CDH2: variants seen among roughly 807,000 people sequenced by gnomAD.
The protein encoded by CDH2 is cadherin-2.
In CDH2, 17 loss-of-function variants were observed where a neutral mutation model predicts 92.0. That is an observed-to-expected ratio of 0.18 (90% CI 0.13 to 0.28). CDH2 has a LOEUF of 0.28. Among genes scored for constraint, CDH2 ranks in the 10% least tolerant of loss-of-function variants. The pLI is 1.00. For missense variants in CDH2, 862 were observed against 1,133.1 expected, an observed-to-expected ratio of 0.76 and a Z score of 3.44; for synonymous variants, 419 against 415.9, an observed-to-expected ratio of 1.01 and a Z score of -0.09.
In CDH2 at chr18:28,062,687, G is replaced by A. The variant is rs186234261; in HGVS notation, c.173-48778C>T. Reference sequence around the variant, plus strand: ...ACTATCACCAGTTGAGAAATACACCGTCCAGGCTAGGCGTGGTGGCTCATG... The same window carrying A: ...ACTATCACCAGTTGAGAAATACACCATCCAGGCTAGGCGTGGTGGCTCATG... On this transcript the variant is annotated intron_variant, in intron 2 of 15. Coordinates refer to ENST00000269141, the MANE Select transcript of CDH2 (RefSeq NM_001792.5). Among the ~76,000 whole-genome samples, 10 of 152,198 alleles carry A rather than the reference G, an allele frequency of 6.6e-5. No homozygotes were observed. The South Asian group carries it at 8.3e-4, about 13-fold the overall frequency.
At chr18:27,987,329 C>A (rs542687326) in intron 11 of CDH2, among the ~76,000 whole-genome samples, 29 of 152,288 alleles carry the variant, frequency 1.9e-4, no homozygotes, top group South Asian at 1.0e-3. Flanking sequence ...AGTTCCAACA[C>A]TAAATATTTA....
intron 2 of CDH2, among the ~76,000 whole-genome samples, chr18:28,047,868 C>CAAAAA (rs149752979): frequency 8.7e-4 from 41 of 46,870 alleles, no homozygotes; most frequent in East Asian, 2.8e-3. Context: ...GACTCCATCT[C>CAAAAA]AAAAAAAAAA....
intron 6 of CDH2, among the ~76,000 whole-genome samples, chr18:27,940,239 C>T (rs1218741255): frequency 1.3e-5 from 2 of 152,156 alleles, no homozygotes; most frequent in Admixed American, 6.5e-5. Flanking sequence ...CATATGGTTA[C>T]CAACTGTCTA....
At chr18:28,075,289 A>G (rs974128391) in intron 2 of CDH2, among the ~76,000 whole-genome samples, 2 of 152,178 alleles carry the variant, frequency 1.3e-5, no homozygotes, top group African/African-American at 4.8e-5. Context: ...ATATGAGTGC[A>G]CAGAGTGCTA....
chr18:28,056,833 T>C (rs1305238824), intron 2 of CDH2, among the ~76,000 whole-genome samples: 1 of 152,230 alleles, frequency 6.6e-6, no homozygotes, highest in Non-Finnish European at 1.5e-5. Context: ...TTTGATATAT[T>C]AAGTTATATG....
intron 3 of CDH2, 147 bp downstream of exon 3, chr18:28,013,536 C>G (rs1051286970): frequency 3.1e-6 from 2 of 655,614 alleles, no homozygotes; most frequent in Admixed American, 2.5e-5. Context: ...ATTACAAACA[C>G]AACAAAATAT....
At chr18:27,969,823 C>A (rs1567942495) in intron 14 of CDH2, among the ~76,000 whole-genome samples, 1 of 152,080 alleles carries the variant, frequency 6.6e-6, no homozygotes, top group Admixed American at 6.6e-5. Flanking sequence ...TGGAGACCAG[C>A]TGGCCAACAT....
chr18:28,047,594 C>G (rs370758114), intron 2 of CDH2, among the ~76,000 whole-genome samples: 2 of 152,036 alleles, frequency 1.3e-5, no homozygotes, highest in Non-Finnish European at 2.9e-5. Context: ...ACTGGCCGGG[C>G]GCGGTGGCTC....
At position 27,983,064 on chromosome 18, in the gene CDH2, C is replaced by T; in HGVS notation, c.2229G>A (p.Val743=). Residue 743 remains valine, a synonymous_variant, in exon 14 of 16, where the codon GTG becomes GTA. Transcript: ENST00000269141. ...CTTTATCCCGGCGTTTCATCCATAC[C>T]ACAAACATCAGCACAAGGACTAGGT... The part of the protein sequence containing the change: ...IILLILVLMF[V]VWMKRRDKER... The T allele has an allele frequency of 6.2e-7, 1 of 1,612,350 alleles. No homozygotes were observed. The highest frequency in any genetic ancestry group is 8.5e-7 in the Non-Finnish European group (1 of 1,179,012).
chr18:28,135,777 T>A (rs1369844595), intron 2 of CDH2, among the ~76,000 whole-genome samples: 1 of 152,228 alleles, frequency 6.6e-6, no homozygotes, highest in Non-Finnish European at 1.5e-5. Context: ...AATATTCATC[T>A]GTGTTGAGAT....
intron 2 of CDH2, among the ~76,000 whole-genome samples, chr18:28,118,404 T>C (rs925088026): frequency 1.3e-5 from 2 of 152,136 alleles, no homozygotes; most frequent in African/African-American, 4.8e-5. Context: ...TTTAATGCAA[T>C]TAAATAATCA....
intron 2 of CDH2, among the ~76,000 whole-genome samples, chr18:28,024,514 A>C (rs2013498304): frequency 1.3e-5 from 2 of 150,754 alleles, no homozygotes; most frequent in Admixed American, 6.6e-5. Flanking sequence ...TAAATGCTTT[A>C]AAATAAAGCG....
intron 2 of CDH2, among the ~76,000 whole-genome samples, chr18:28,099,931 A>T (rs1389520589): frequency 2.0e-5 from 3 of 152,220 alleles, no homozygotes; most frequent in Admixed American, 6.5e-5. Context: ...ATACATTTTT[A>T]ACCAGCAAAA....
intron 7 of CDH2, among the ~76,000 whole-genome samples, chr18:28,001,275 T>G (rs980390054): frequency 2.0e-5 from 3 of 152,216 alleles, no homozygotes; most frequent in African/African-American, 7.2e-5. Flanking sequence ...ATGGTTGGTC[T>G]GTTTTAGTAA....
chr18:27,933,201 G>T (rs1434422501), intron 6 of CDH2, among the ~76,000 whole-genome samples: 1 of 152,050 alleles, frequency 6.6e-6, no homozygotes, highest in Non-Finnish European at 1.5e-5. Flanking sequence ...TAAACAGGAG[G>T]TATACTGATG....
intron 1 of CDH2, among the ~76,000 whole-genome samples, chr18:28,171,388 TA>T (rs1001567264): frequency 5.9e-5 from 9 of 151,868 alleles, no homozygotes; most frequent in Non-Finnish European, 8.8e-5. Flanking sequence ...ATAAAACTAA[TA>T]AAAAAAATTT....
At chr18:28,092,982 G>C (rs1249534082) in intron 2 of CDH2, among the ~76,000 whole-genome samples, 1 of 151,998 alleles carries the variant, frequency 6.6e-6, no homozygotes, top group Non-Finnish European at 1.5e-5. Context: ...CACAAATGTA[G>C]GTAACACCGA....
intron 1 of CDH2, among the ~76,000 whole-genome samples, chr18:28,151,023 A>C (rs1170016938): frequency 6.6e-6 from 1 of 152,228 alleles, no homozygotes; most frequent in African/African-American, 2.4e-5. Context: ...CTTACTTTGC[A>C]CCAAGCACTG....
chr18:28,135,847 G>T (rs1004246456), intron 2 of CDH2, among the ~76,000 whole-genome samples: 1 of 152,088 alleles, frequency 6.6e-6, no homozygotes, highest in African/African-American at 2.4e-5. Context: ...AAACCATGCA[G>T]AAATTCTACA....
Sources: gnomAD v4.1 joint callset for allele counts (sites outside exome capture counted in the v4.1 genomes callset) on GRCh38, gnomAD v4.1.1 for gene constraint, MANE v1.5 for transcripts, NCBI Gene and HGNC (gene_info 2026-07-23, HGNC 2026-07-21) for gene names.